NVL: variants seen among roughly 807,000 people sequenced by gnomAD.
NVL encodes nuclear VCP like, also known as nuclear valosin-containing protein-like.
NVL carries 84 observed loss-of-function variants against 110.2 expected under a neutral mutation model. That is an observed-to-expected ratio of 0.76 (90% confidence interval 0.64 to 0.91). The LOEUF (loss-of-function observed/expected upper bound fraction) is 0.91. Among genes scored for constraint, NVL ranks in the 40% least tolerant of loss-of-function variants. The pLI, the probability that NVL is intolerant of heterozygous loss-of-function variation, is 0.00. For synonymous variants in NVL, 354 were observed against 361.1 expected (o/e 0.98, Z 0.22); for missense variants, 882 against 1,035.9 (o/e 0.85, Z 2.04).
intron 16 of NVL, among the ~76,000 whole-genome samples, chr1:224,276,232 A>AATT (rs1191224435): frequency 2.6e-5 from 4 of 152,048 alleles, no homozygotes; most frequent in Admixed American, 6.6e-5. Flanking sequence ...TTACAGTGCC[A>AATT]ATTATTATTA....
At chr1:224,237,134 C>T (rs937221497) in intron 19 of NVL, among the ~76,000 whole-genome samples, 1 of 152,134 alleles carries the variant, frequency 6.6e-6, no homozygotes, top group Non-Finnish European at 1.5e-5. Flanking sequence ...ATACTAAACA[C>T]CATCAACAAG....
intron 18 of NVL, among the ~76,000 whole-genome samples, chr1:224,257,639 C>T (rs573620620): frequency 8.5e-4 from 129 of 152,064 alleles, no homozygotes; most frequent in Admixed American, 1.7e-3. Flanking sequence ...GCAATCCTCC[C>T]GCCATAGCCT....
At chr1:224,315,849 A>G (rs1208174847) in intron 4 of NVL, among the ~76,000 whole-genome samples, 1 of 152,214 alleles carries the variant, frequency 6.6e-6, no homozygotes, top group Non-Finnish European at 1.5e-5. Context: ...TGTTCATAGC[A>G]GCTTAATTTG....
intron 18 of NVL, among the ~76,000 whole-genome samples, chr1:224,255,345 C>G (rs1663093391): frequency 1.3e-5 from 2 of 151,904 alleles, no homozygotes; most frequent in Admixed American, 1.3e-4. Flanking sequence ...TGCCCACCAC[C>G]ATGCTCAGCT....
chr1:224,307,097 ATCATT>A (rs1256736772), intron 6 of NVL, among the ~76,000 whole-genome samples: 2 of 152,198 alleles, frequency 1.3e-5, no homozygotes, highest in African/African-American at 4.8e-5. Flanking sequence ...CCAAAATATT[ATCATT>A]TCAACAGTCA....
At chr1:224,248,967 G>A (rs1352266981) in intron 19 of NVL, among the ~76,000 whole-genome samples, 2 of 152,222 alleles carry the variant, frequency 1.3e-5, no homozygotes, top group Non-Finnish European at 2.9e-5. Flanking sequence ...GATGGAGAGA[G>A]CGGGTCCAGG....
intron 16 of NVL, among the ~76,000 whole-genome samples, chr1:224,279,054 C>T (rs969113102): frequency 6.6e-6 from 1 of 152,056 alleles, no homozygotes; most frequent in Non-Finnish European, 1.5e-5. Flanking sequence ...AGTGCACATA[C>T]TCTAAGATTC....
At chr1:224,324,451 A>G (rs1670943646) in intron 2 of NVL, among the ~76,000 whole-genome samples, 1 of 152,174 alleles carries the variant, frequency 6.6e-6, no homozygotes, top group Non-Finnish European at 1.5e-5. Context: ...ATTTTTAGAG[A>G]CAGGGTCTTG....
At chr1:224,328,324 A>G (rs866862691) in intron 1 of NVL, among the ~76,000 whole-genome samples, 1 of 152,058 alleles carries the variant, frequency 6.6e-6, no homozygotes, top group African/African-American at 2.4e-5. Context: ...GTTCGAGACT[A>G]GCCTGGCCAA....
intron 17 of NVL, among the ~76,000 whole-genome samples, chr1:224,274,196 C>T (rs1294112997): frequency 6.8e-6 from 1 of 146,928 alleles, no homozygotes; most frequent in African/African-American, 2.5e-5. Context: ...GAGGCTGAGG[C>T]AGGAGAATCG....
intron 19 of NVL, among the ~76,000 whole-genome samples, chr1:224,246,952 G>C (rs190384000): frequency 1.3e-3 from 204 of 151,516 alleles, no homozygotes; most frequent in African/African-American, 4.8e-3. Context: ...TGAAGTAGGA[G>C]ATATGCTTGA....
At chr1:224,234,841 C>G (rs982018685) in intron 20 of NVL, among the ~76,000 whole-genome samples, 21 of 152,148 alleles carry the variant, frequency 1.4e-4, no homozygotes, top group African/African-American at 5.1e-4. Flanking sequence ...AACTTTAGCC[C>G]TAACCCCTTC....
At chr1:224,275,914 C>G (rs895374341) in intron 16 of NVL, among the ~76,000 whole-genome samples, 5 of 152,176 alleles carry the variant, frequency 3.3e-5, no homozygotes, top group African/African-American at 1.2e-4. Context: ...AAAGGAATAA[C>G]TATTTTGTCA....
At chr1:224,288,898 C>A (rs972456349) in intron 13 of NVL, among the ~76,000 whole-genome samples, 1 of 152,206 alleles carries the variant, frequency 6.6e-6, no homozygotes, top group Non-Finnish European at 1.5e-5. Flanking sequence ...GGACTGATAA[C>A]TGTCCCCTAT....
chr1:224,325,994 G>A (rs574895185), intron 2 of NVL, among the ~76,000 whole-genome samples: 1 of 152,164 alleles, frequency 6.6e-6, no homozygotes, highest in South Asian at 2.1e-4. Context: ...TCACCATGTT[G>A]CCCAGGCTGG....
chr1:224,230,094 G>A (rs1282717031), intron 22 of NVL, among the ~76,000 whole-genome samples: 1 of 152,164 alleles, frequency 6.6e-6, no homozygotes, highest in Non-Finnish European at 1.5e-5. Flanking sequence ...TGCCTCCTGA[G>A]TAGCTGAGAT....
chr1:224,254,572 G>GTTTT (rs71168400), intron 18 of NVL, among the ~76,000 whole-genome samples: 6 of 134,240 alleles, frequency 4.5e-5, no homozygotes, highest in Non-Finnish European at 6.3e-5. Context: ...TGTTTTTTTT[G>GTTTT]TTTTTTTTTT....
At chr1:224,253,206 C>A (rs921840954) in intron 18 of NVL, among the ~76,000 whole-genome samples, 1 of 151,786 alleles carries the variant, frequency 6.6e-6, no homozygotes, top group African/African-American at 2.4e-5. Flanking sequence ...CCCTGCCCCC[C>A]ACGCCCGGCT....
intron 18 of NVL, among the ~76,000 whole-genome samples, chr1:224,251,591 G>T (rs1407580203): frequency 1.3e-5 from 2 of 152,172 alleles, no homozygotes; most frequent in Non-Finnish European, 2.9e-5. Flanking sequence ...AATGAGCGGA[G>T]ATCGTGCCAC....
Sources: allele counts gnomAD v4.1 joint callset (sites outside exome capture counted in the v4.1 genomes callset), GRCh38; gene constraint gnomAD v4.1.1; transcripts MANE v1.5; gene names NCBI Gene and HGNC (gene_info 2026-07-23, HGNC 2026-07-21).